CLASRP: variants seen among roughly 807,000 people sequenced by gnomAD.
CLASRP encodes the protein CLK4-associating serine/arginine rich protein.
In CLASRP, 52 loss-of-function variants were observed where a neutral mutation model predicts 99.9. The observed-to-expected ratio is 0.52, with a 90% CI of 0.42 to 0.66. The LOEUF (loss-of-function observed/expected upper bound fraction) is 0.66. Among genes scored for constraint, CLASRP ranks in the 30% least tolerant of loss-of-function variants. The pLI is 0.00. For synonymous variants in CLASRP, 379 were observed against 373.0 expected (o/e 1.02, Z -0.18); for missense variants, 848 against 999.2 (o/e 0.85, Z 2.04).
chr19:45,070,496 C>A, intron 19 of CLASRP, 41 bp from the exon 20 acceptor site: 1 of 1,608,114 alleles, frequency 6.2e-7, no homozygotes, highest in Non-Finnish European at 8.5e-7. Flanking sequence ...GGCCCTGGCC[C>A]TGGATGTTTG....
At chr19:45,054,050 G>A (rs970696220) in intron 5 of CLASRP, among the ~76,000 whole-genome samples, 8 of 152,198 alleles carry the variant, frequency 5.3e-5, no homozygotes, top group African/African-American at 1.9e-4. Flanking sequence ...AAGTGTTCAT[G>A]TATGTCCAGG....
At position 45,058,372 on chromosome 19, in the gene CLASRP, T is replaced by C. The variant is rs143533471; in HGVS notation, c.613+474T>C. On this transcript the variant is annotated intron_variant, in intron 7 of 20. Coordinates refer to ENST00000221455, the MANE Select transcript of CLASRP (RefSeq NM_007056.3). ...TCATCCTGGTTCTTACTCCAGCAAC[T>C]GGCTCTTTTTATTTATTTATTTATT... 570 of 156,720 alleles carry C rather than the reference T, an allele frequency of 3.6e-3. 2 individuals carry two copies. The highest frequency in any genetic ancestry group is 0.013 in the African/African-American group (537 of 41,580). 9.7% of individuals were successfully genotyped at this position (156,720 alleles called of 1,614,324 possible). A position where few individuals can be genotyped will look rare whatever the true frequency, so the allele number is the denominator to read the frequency against.
In CLASRP at chr19:45,056,388, TC is replaced by T. The variant is rs1355075898; in HGVS notation, c.380-57del. ...TTCCTGCCCCACCGCACCCTTGTGTTCCCCCACTGAATTCCTAGTGTCCCCA... is the reference window on the plus strand; with the variant it reads ...TTCCTGCCCCACCGCACCCTTGTGTTCCCCACTGAATTCCTAGTGTCCCCA... On this transcript the variant is annotated intron_variant, in intron 5 of 20. Transcript: ENST00000221455. The T allele has an allele frequency of 2.7e-6, 4 of 1,469,736 alleles. No homozygotes were observed. The African/African-American group carries it at 4.2e-5, about 15-fold the overall frequency. The allele number at this position is 1,469,736 out of a possible 1,614,324, so 91.0% of individuals were successfully genotyped here.
chr19:45,068,310 C>CT, intron 15 of CLASRP, 110 bp from the exon 16 acceptor site: 5 of 603,868 alleles, frequency 8.3e-6, no homozygotes, highest in Non-Finnish European at 1.5e-5. Context: ...CCACGTCGTT[C>CT]TCCCCCCCCC....
chr19:45,042,874 C>T (rs1423272213), intron 2 of CLASRP, among the ~76,000 whole-genome samples: 1 of 152,132 alleles, frequency 6.6e-6, no homozygotes, highest in East Asian at 1.9e-4. Context: ...GCCTCGGCCT[C>T]CCAAAGTGCT....
chr19:45,063,661 G>T (rs979968160), intron 11 of CLASRP, among the ~76,000 whole-genome samples: 5 of 151,780 alleles, frequency 3.3e-5, no homozygotes, highest in African/African-American at 7.3e-5. Context: ...TGTTGGCCAG[G>T]CTGGTCTCAA....
chr19:45,051,934 C>T (rs1170646602), intron 2 of CLASRP, 137 bp from the exon 3 acceptor site: 4 of 659,362 alleles, frequency 6.1e-6, no homozygotes, highest in Non-Finnish European at 8.0e-6. Flanking sequence ...CACCATTGCA[C>T]TCCAGCCTGG....
chr19:45,049,519 G>A (rs934471902), intron 2 of CLASRP, among the ~76,000 whole-genome samples: 1 of 152,218 alleles, frequency 6.6e-6, no homozygotes, highest in Non-Finnish European at 1.5e-5. Flanking sequence ...CATAGTGAGT[G>A]CGGGGTTGAA....
At chr19:45,066,673 G>T (rs1967094935) in intron 13 of CLASRP, among the ~76,000 whole-genome samples, 1 of 150,948 alleles carries the variant, frequency 6.6e-6, no homozygotes, top group Non-Finnish European at 1.5e-5. Flanking sequence ...TCAGCGTGTG[G>T]CCCAGAATTG....
intron 13 of CLASRP, among the ~76,000 whole-genome samples, chr19:45,066,058 A>G (rs2122605000): frequency 6.6e-6 from 1 of 152,074 alleles, no homozygotes; most frequent in Admixed American, 6.5e-5. Flanking sequence ...GTCTAGTGTC[A>G]CCCAGTCTTT....
At chr19:45,064,682 G>C in intron 13 of CLASRP, 52 bp downstream of exon 13, 1 of 1,487,340 alleles carries the variant, frequency 6.7e-7, no homozygotes, top group Non-Finnish European at 8.9e-7. Flanking sequence ...CGCGGTCTCC[G>C]ATCCTGGGGA....
intron 13 of CLASRP, among the ~76,000 whole-genome samples, chr19:45,065,718 C>T (rs749394576): frequency 1.2e-4 from 19 of 152,132 alleles, no homozygotes; most frequent in Admixed American, 7.2e-4. Flanking sequence ...AGGGCAGCGA[C>T]GCTGGGTTGG....
chr19:45,064,492 G>A lies in CLASRP; in HGVS notation c.1271G>A (p.Arg424His), dbSNP rs1967032134. 6.5e-7 allele frequency: 1 copy of A among 1,532,484 alleles called. No individual in the cohort carries two copies. The highest frequency in any genetic ancestry group is 1.9e-4 in the Middle Eastern group (1 of 5,344). 94.9% of individuals were successfully genotyped at this position (1,532,484 alleles called of 1,614,324 possible). The stretch of plus-strand genomic sequence containing the variant: ...CGCTCCCGGTCCCGCTCCTGGTCCC[G>A]CTCCCGCTCCCGCTCCCGGCGCTAT... ...HARSRSRSWS[R>H]SRSRSRRYSR... The change falls in exon 13 of 21, where the codon CGC (arginine) becomes CAC (histidine). Residue 424 changes from arginine to histidine, a missense_variant. Transcript: ENST00000221455.
At chr19:45,058,005 T>G in intron 7 of CLASRP, 107 bp downstream of exon 7, 4 of 1,425,186 alleles carry the variant, frequency 2.8e-6, no homozygotes, top group Non-Finnish European at 3.8e-6. Flanking sequence ...CGTGTCTCTC[T>G]CCCTACCCCG....
intron 16 of CLASRP, 145 bp downstream of exon 16, chr19:45,068,625 T>C (rs1600118091): frequency 2.9e-6 from 2 of 695,212 alleles, no homozygotes; most frequent in Non-Finnish European, 5.2e-6. Context: ...GAGGAATGGG[T>C]TTGCATCAGC....
intron 2 of CLASRP, among the ~76,000 whole-genome samples, chr19:45,041,162 G>A (rs1029298392): frequency 1.3e-5 from 2 of 151,710 alleles, no homozygotes; most frequent in Non-Finnish European, 1.5e-5. Context: ...GGGGCAGAGC[G>A]GAGCCTGCAG....
At chr19:45,055,557 G>C (rs540393540) in intron 5 of CLASRP, among the ~76,000 whole-genome samples, 3 of 152,176 alleles carry the variant, frequency 2.0e-5, no homozygotes, top group Non-Finnish European at 4.4e-5. Flanking sequence ...GAGGCCAGCC[G>C]GGCACGGTGG....
At chr19:45,062,309 C>T in intron 11 of CLASRP, 114 bp downstream of exon 11, 1 of 735,882 alleles carries the variant, frequency 1.4e-6, no homozygotes, top group Non-Finnish European at 2.5e-6. Context: ...AGATCACAGA[C>T]TGCATGATAT....
intron 5 of CLASRP, 47 bp from the exon 6 acceptor site, chr19:45,056,403 C>G: frequency 6.4e-7 from 1 of 1,569,172 alleles, no homozygotes; most frequent in Non-Finnish European, 8.8e-7. Context: ...CACTGAATTC[C>G]TAGTGTCCCC....
Sources: allele counts gnomAD v4.1 joint callset (sites outside exome capture counted in the v4.1 genomes callset), GRCh38; gene constraint gnomAD v4.1.1; transcripts MANE v1.5; gene names NCBI Gene and HGNC (gene_info 2026-07-23, HGNC 2026-07-21).